Variants in DYNC2LI1 observed in about 807,000 individuals in gnomAD.
The protein encoded by DYNC2LI1 is dynein cytoplasmic 2 light intermediate chain 1, also known as cytoplasmic dynein 2 light intermediate chain 1.
In DYNC2LI1, 45 loss-of-function variants were observed where a neutral mutation model predicts 51.9. That is an observed-to-expected ratio of 0.87 (90% CI 0.68 to 1.11). The LOEUF (loss-of-function observed/expected upper bound fraction) is 1.11, where lower values mean the gene tolerates loss of function less well. DYNC2LI1 is among the 50% of genes most tolerant of loss of function. DYNC2LI1 has a pLI of 0.00. For missense variants in DYNC2LI1, 490 were observed against 417.4 expected, an observed-to-expected ratio of 1.17 and a Z score of -1.51; for synonymous variants, 130 against 137.8, an observed-to-expected ratio of 0.94 and a Z score of 0.40.
At chr2:43,799,383 A>G (rs1328453043) in intron 8 of DYNC2LI1, among the ~76,000 whole-genome samples, 2 of 152,226 alleles carry the variant, frequency 1.3e-5, no homozygotes, top group African/African-American at 4.8e-5. Context: ...AAGAGCCATG[A>G]GGATGGCAGG....
chr2:43,774,249 C>T, intron 1 of DYNC2LI1, 103 bp downstream of exon 1: 6 of 1,475,830 alleles, frequency 4.1e-6, no homozygotes, highest in Non-Finnish European at 5.6e-6. Flanking sequence ...GGGGTGGCTA[C>T]TTGCCACCAG....
Position 43,800,878 on chromosome 2 carries a change from G to A in DYNC2LI1, c.692G>A (p.Arg231His), listed in dbSNP as rs141895414. The A allele has an allele frequency of 2.9e-5, 46 of 1,604,258 alleles. No homozygotes were observed. In the East Asian group the frequency reaches 5.2e-4, roughly 18 times the overall value. The change falls in exon 9 of 13, where the codon CGT (arginine) becomes CAT (histidine). Residue 231 changes from arginine (R) to histidine (H), a missense_variant. Coordinates refer to ENST00000260605, the MANE Select transcript of DYNC2LI1 (RefSeq NM_016008.4). Reference sequence around the variant, plus strand: ...TCAGAAGCTCTATTACTAAAAATACGTGGAGTTATCAACCAGTTGGCATTT... The same window carrying A: ...TCAGAAGCTCTATTACTAAAAATACATGGAGTTATCAACCAGTTGGCATTT... Reference protein sequence around the residue: ...SKSEALLLKIRGVINQLAFGI... With the variant: ...SKSEALLLKIHGVINQLAFGI...
At chr2:43,795,800 A>G (rs1219391642) in intron 6 of DYNC2LI1, 90 bp from the exon 7 acceptor site, 1 of 993,362 alleles carries the variant, frequency 1.0e-6, no homozygotes, top group Non-Finnish European at 1.6e-6. Flanking sequence ...GAAGAGACTG[A>G]AAATGGAATG....
downstream of DYNC2LI1, among the ~76,000 whole-genome samples, chr2:43,810,918 C>G (rs1330416599): frequency 2.0e-5 from 3 of 152,188 alleles, no homozygotes; most frequent in Non-Finnish European, 4.4e-5. Context: ...ATTTGATTTT[C>G]TTACACATCA....
At chr2:43,783,116 A>G (rs564622231) in intron 2 of DYNC2LI1, among the ~76,000 whole-genome samples, 1 of 152,302 alleles carries the variant, frequency 6.6e-6, no homozygotes, top group Non-Finnish European at 1.5e-5. Flanking sequence ...CTTTATTTGT[A>G]TGTTACCTTT....
intron 12 of DYNC2LI1, among the ~76,000 whole-genome samples, chr2:43,807,280 A>G (rs1354081829): frequency 6.6e-6 from 1 of 152,004 alleles, no homozygotes; most frequent in East Asian, 1.9e-4. Context: ...GCCCTCTTTA[A>G]TTATTTAAAG....
At chr2:43,799,330 C>T (rs758886022) in intron 8 of DYNC2LI1, among the ~76,000 whole-genome samples, 5 of 151,978 alleles carry the variant, frequency 3.3e-5, no homozygotes, top group Non-Finnish European at 5.9e-5. Flanking sequence ...CCTCGCCCCC[C>T]AAAAGAACAG....
At chr2:43,817,998 G>A in the DYNC2LI1 span, among the ~76,000 whole-genome samples, 1 of 152,250 alleles carries the variant, frequency 6.6e-6, no homozygotes, top group East Asian at 1.9e-4. Flanking sequence ...AATGTGCTCA[G>A]AAAGCTTAAC....
chr2:43,815,044 A>G, the DYNC2LI1 span, among the ~76,000 whole-genome samples: 1 of 152,190 alleles, frequency 6.6e-6, no homozygotes, highest in Non-Finnish European at 1.5e-5. Flanking sequence ...TACTGATATA[A>G]ACGTACAAGA....
downstream of DYNC2LI1, among the ~76,000 whole-genome samples, chr2:43,814,828 A>G (rs1327634605): frequency 6.6e-6 from 1 of 152,228 alleles, no homozygotes; most frequent in East Asian, 1.9e-4. Context: ...TGTGTTTAAA[A>G]GTTTTATATA....
downstream of DYNC2LI1, among the ~76,000 whole-genome samples, chr2:43,812,021 C>G (rs114125808): frequency 8.8e-3 from 1,339 of 152,144 alleles, 24 homozygotes; most frequent in African/African-American, 0.031. Context: ...GTACCCTGTT[C>G]TTTGTAAACA....
chr2:43,821,875 TC>T, the DYNC2LI1 span, among the ~76,000 whole-genome samples: 1 of 151,906 alleles, frequency 6.6e-6, no homozygotes, highest in Non-Finnish European at 1.5e-5. Flanking sequence ...TCTCTCTCTC[TC>T]CCCCTCTCTT....
At chr2:43,825,118 C>A in the DYNC2LI1 span, 3 of 1,429,962 alleles carry the variant, frequency 2.1e-6, no homozygotes, top group Non-Finnish European at 2.9e-6. Flanking sequence ...TCAGGTATTC[C>A]TTATGGTCAC....
the DYNC2LI1 span, among the ~76,000 whole-genome samples, chr2:43,827,090 C>A: frequency 6.6e-6 from 1 of 152,098 alleles, no homozygotes; most frequent in Non-Finnish European, 1.5e-5. Context: ...TTTGGGAGGT[C>A]AAGGCAGGCA....
Position 43,794,537 on chromosome 2 carries a change from C to T in DYNC2LI1, c.401C>T (p.Thr134Ile), listed in dbSNP as rs34651474. 1.2e-3 allele frequency: 1,928 copies of T among 1,613,950 alleles called. 21 individuals are homozygous for T. In the African/African-American group the frequency reaches 0.022, roughly 19 times the overall value. ...ACCATGGAAAATCTCTTGCAAGCCA[C>T]AAAAAGCCATGTAGACAAAGTGATA... ...WPTMENLLQA[T>I]KSHVDKVIMK... The change falls in exon 6 of 13, where the codon ACA becomes ATA. Residue 134 changes from threonine (T) to isoleucine (I), a missense_variant. Physicochemically the swap from Thr to Ile is moderately conservative, Grantham distance 89. Transcript: ENST00000260605.
chr2:43,808,634 G>T (rs1250737101), intron 12 of DYNC2LI1, among the ~76,000 whole-genome samples: 1 of 152,158 alleles, frequency 6.6e-6, no homozygotes. Flanking sequence ...AATTGTAAAG[G>T]TAAGATATAC....
chr2:43,811,283 C>G (rs753589528), downstream of DYNC2LI1, among the ~76,000 whole-genome samples: 4 of 152,162 alleles, frequency 2.6e-5, no homozygotes, highest in African/African-American at 4.8e-5. Flanking sequence ...ATGTCAAAGA[C>G]CTTTTATAAA....
At chr2:43,784,436 C>A (rs1221419899) in intron 3 of DYNC2LI1, among the ~76,000 whole-genome samples, 1 of 151,840 alleles carries the variant, frequency 6.6e-6, no homozygotes, top group Non-Finnish European at 1.5e-5. Context: ...GTATTAATTT[C>A]TTTCTTTCTT....
intron 12 of DYNC2LI1, 45 bp from the exon 13 acceptor site, chr2:43,809,660 T>A (rs746943988): frequency 1.5e-5 from 22 of 1,433,926 alleles, no homozygotes; most frequent in Non-Finnish European, 2.1e-5. Flanking sequence ...CTCCTTGAAT[T>A]AGTAAAGTTG....
Sources: allele counts gnomAD v4.1 joint callset (sites outside exome capture counted in the v4.1 genomes callset), GRCh38; gene constraint gnomAD v4.1.1; transcripts MANE v1.5; gene names NCBI Gene and HGNC (gene_info 2026-07-23, HGNC 2026-07-21).